ZC3H12C: variants seen among roughly 807,000 people sequenced by gnomAD.
The protein encoded by ZC3H12C is probable ribonuclease ZC3H12C.
Under a neutral mutation model 76.3 loss-of-function variants are expected in ZC3H12C, and 20 were observed. That is an observed-to-expected ratio of 0.26 (90% CI 0.18 to 0.38). The LOEUF (loss-of-function observed/expected upper bound fraction) is 0.38. ZC3H12C is among the 10% of genes least tolerant of loss of function. The probability of loss-of-function intolerance (pLI) is 1.00; values close to 1 mark genes in which losing one functional copy is unlikely to be tolerated. For synonymous variants in ZC3H12C, 352 were observed against 399.6 expected, an observed-to-expected ratio of 0.88 and a Z score of 1.42; for missense variants, 874 against 1,086.5, an observed-to-expected ratio of 0.80 and a Z score of 2.75.
chr11:110,126,947 A>C (rs1861760300), intron 1 of ZC3H12C, among the ~76,000 whole-genome samples: 2 of 152,104 alleles, frequency 1.3e-5, no homozygotes, highest in African/African-American at 4.8e-5. Flanking sequence ...ATTACAGTTG[A>C]GATCTTTTTT....
chr11:110,131,339 A>C, intron 1 of ZC3H12C: 1 of 538,086 alleles, frequency 1.9e-6, no homozygotes, highest in Non-Finnish European at 3.3e-6. Context: ...ATGAACATTT[A>C]TAAGGCATTA....
At chr11:110,159,032 C>T (rs563525750) in intron 3 of ZC3H12C, among the ~76,000 whole-genome samples, 1 of 78,396 alleles carries the variant, frequency 1.3e-5, no homozygotes, top group East Asian at 5.0e-4. Context: ...TTATACTGTT[C>T]GTATTTTTTT....
intron 4 of ZC3H12C, 136 bp downstream of exon 4, chr11:110,159,626 C>G: frequency 7.9e-6 from 6 of 759,540 alleles, no homozygotes; most frequent in Non-Finnish European, 1.3e-5. Flanking sequence ...CCCCACTGAT[C>G]CTCAGTGGGA....
At chr11:110,121,174 G>A (rs780473095) in intron 1 of ZC3H12C, among the ~76,000 whole-genome samples, 3 of 152,224 alleles carry the variant, frequency 2.0e-5, no homozygotes, top group African/African-American at 7.2e-5. Flanking sequence ...GCCGCTTTAA[G>A]TACCTGTGTT....
chr11:110,112,939 C>T (rs1016694404), intron 1 of ZC3H12C, among the ~76,000 whole-genome samples: 19 of 151,978 alleles, frequency 1.3e-4, no homozygotes, highest in Non-Finnish European at 2.1e-4. Context: ...TGCATATACC[C>T]GTCATCTCTC....
Position 110,168,814 on chromosome 11 carries a change from A to T in ZC3H12C, c.*3077A>T, listed in dbSNP as rs1156565807. The T allele has an allele frequency of 6.6e-6, 1 of 152,134 alleles. No homozygotes were observed. Among genetic ancestry groups the T allele is most frequent in the African/African-American group, 2.4e-5 (1 of 41,440 alleles). 9.4% of individuals were successfully genotyped at this position (152,134 alleles called of 1,614,324 possible). On this transcript the variant is annotated 3_prime_UTR_variant, in exon 6 of 6. Coordinates refer to ENST00000278590, the MANE Select transcript of ZC3H12C (RefSeq NM_033390.2). ...ATAAGAGTTTGTCATTGACTTACAC[A>T]TTTGGAAGAAATGCACACCAGTGTA... is the stretch of plus-strand genomic sequence containing the variant.
intron 1 of ZC3H12C, among the ~76,000 whole-genome samples, chr11:110,112,990 C>G (rs1160015346): frequency 2.6e-5 from 2 of 76,184 alleles, no homozygotes; most frequent in African/African-American, 1.0e-4. Context: ...AAGTTCTTAT[C>G]GCCCCCCCCT....
intron 2 of ZC3H12C, among the ~76,000 whole-genome samples, chr11:110,150,680 A>C (rs970860336): frequency 6.6e-6 from 1 of 152,086 alleles, no homozygotes; most frequent in Non-Finnish European, 1.5e-5. Flanking sequence ...TGTCCATTAG[A>C]TCAAGCTTGT....
intron 1 of ZC3H12C, among the ~76,000 whole-genome samples, chr11:110,127,412 A>AT (rs577713512): frequency 2.2e-4 from 34 of 152,192 alleles, no homozygotes; most frequent in African/African-American, 8.2e-4. Flanking sequence ...TGCCTATTTG[A>AT]TTTTTTACTC....
At chr11:110,131,431 C>G (rs1182267179) in intron 1 of ZC3H12C, 2 of 301,250 alleles carry the variant, frequency 6.6e-6, no homozygotes, top group Admixed American at 9.9e-5. Flanking sequence ...GGATTTAAAT[C>G]TTACCTTGTC....
In ZC3H12C at chr11:110,166,635, T is replaced by C. The variant is rs1378305847; in HGVS notation, c.*898T>C. 2.0e-5 allele frequency: 3 copies of C among 152,212 alleles called. No homozygotes were observed. Among genetic ancestry groups the C allele is most frequent in the Non-Finnish European group, 4.4e-5 (3 of 68,034 alleles). 9.4% of individuals were successfully genotyped at this position (152,212 alleles called of 1,614,324 possible). A position where few individuals can be genotyped will look rare whatever the true frequency, so the allele number is the denominator to read the frequency against. The stretch of plus-strand genomic sequence containing the variant: ...ATTTTTAATATGTCTGTCTTTTTGT[T>C]TTGGGGCACAACAATACTGGATAAA... On this transcript the variant is annotated 3_prime_UTR_variant, in exon 6 of 6. Coordinates refer to ENST00000278590, the MANE Select transcript of ZC3H12C (RefSeq NM_033390.2).
intron 2 of ZC3H12C, among the ~76,000 whole-genome samples, chr11:110,142,486 T>C (rs1355586059): frequency 6.6e-6 from 1 of 152,226 alleles, no homozygotes; most frequent in Non-Finnish European, 1.5e-5. Flanking sequence ...ACAGATTTTC[T>C]TCATTATCTT....
chr11:110,158,186 C>T (rs1291528254), intron 3 of ZC3H12C, among the ~76,000 whole-genome samples: 1 of 152,024 alleles, frequency 6.6e-6, no homozygotes, highest in African/African-American at 2.4e-5. Context: ...AATCACAAAA[C>T]AAGTCAATAG....
rs146155210 is a variant in ZC3H12C, at chr11:110,151,335, C to T, written c.774-1584C>T. 5.7e-3 allele frequency among the ~76,000 whole-genome samples: 862 copies of T among 152,240 alleles called. 5 individuals carry two copies. Among genetic ancestry groups the T allele is most frequent in the Middle Eastern group, 0.031 (9 of 294 alleles). On this transcript the variant is annotated intron_variant, in intron 2 of 5. Coordinates refer to ENST00000278590, the MANE Select transcript of ZC3H12C (RefSeq NM_033390.2). ...GGAAGAAATGTTTATGCAGGCCTGT[C>T]GTTAGAGCCAGAAGCAATTAAATGC... is the stretch of plus-strand genomic sequence containing the variant.
chr11:110,107,531 T>G (rs1318763206), intron 1 of ZC3H12C, among the ~76,000 whole-genome samples: 2 of 152,046 alleles, frequency 1.3e-5, no homozygotes, highest in African/African-American at 2.4e-5. Context: ...TCCTTTTTTT[T>G]TGTTTTTTTT....
At chr11:110,099,425 TATCTC>T (rs1224217887) in intron 1 of ZC3H12C, among the ~76,000 whole-genome samples, 1 of 152,192 alleles carries the variant, frequency 6.6e-6, no homozygotes, top group African/African-American at 2.4e-5. Context: ...TGAGCATTAA[TATCTC>T]ATTTTAATGC....
At chr11:110,103,751 G>A (rs1270588406) in intron 1 of ZC3H12C, among the ~76,000 whole-genome samples, 6 of 151,820 alleles carry the variant, frequency 4.0e-5, no homozygotes, top group South Asian at 2.1e-4. Context: ...GACTACAGGC[G>A]CCCGCCACCA....
In ZC3H12C at chr11:110,164,405, G is replaced by A. The variant is rs1374290680; in HGVS notation, c.1320G>A (p.Gln440=). 2.5e-6 allele frequency: 4 copies of A among 1,613,872 alleles called. No homozygotes were observed. In the East Asian group the frequency reaches 6.7e-5, roughly 27 times the overall value. ...ATCCCGAAAGGGGCAGTCAGCCACA[G>A]CGGTCAGTGGCTGATGAACTCCGTG... ...YYHPERGSQP[Q]RSVADELRAM... The change falls in exon 6 of 6, where the codon CAG becomes CAA. Residue 440 remains glutamine, a synonymous_variant. Coordinates refer to ENST00000278590, the MANE Select transcript of ZC3H12C (RefSeq NM_033390.2). The surrounding 1 kb of genome is among the most constrained non-coding windows in gnomAD (Gnocchi z 5.7).
Position 110,155,310 on chromosome 11 carries a change from A to C in ZC3H12C, c.913+2252A>C, listed in dbSNP as rs527624021. On this transcript the variant is annotated intron_variant, in intron 3 of 5. Transcript: ENST00000278590. ...CAAGACTCCATCTCAAAAAAAAAAA[A>C]AAATAGCGGAAAGTAAAAAACTGAT... 4.0e-3 allele frequency among the ~76,000 whole-genome samples: 608 copies of C among 152,198 alleles called. 3 individuals carry two copies. Among genetic ancestry groups the C allele is most frequent in the African/African-American group, 0.014 (561 of 41,520 alleles).
Sources: gnomAD v4.1 joint callset for allele counts (sites outside exome capture counted in the v4.1 genomes callset) on GRCh38, gnomAD v4.1.1 for gene constraint, Gnocchi (gnomAD v3.1) non-coding constraint, MANE v1.5 for transcripts, NCBI Gene and HGNC (gene_info 2026-07-23, HGNC 2026-07-21) for gene names.